SSR2: variants seen among roughly 807,000 people sequenced by gnomAD.
SSR2 encodes the protein translocon-associated protein subunit beta.
In SSR2, 16 loss-of-function variants were observed where a neutral mutation model predicts 22.6. The observed-to-expected ratio is 0.71, with a 90% CI of 0.48 to 1.08. The LOEUF is 1.08. Ranked by LOEUF, SSR2 falls within the 50% of genes least tolerant of loss-of-function variation. The pLI is 0.00. For missense variants in SSR2, 171 were observed against 221.6 expected, an observed-to-expected ratio of 0.77 and a Z score of 1.45; for synonymous variants, 83 against 91.2, an observed-to-expected ratio of 0.91 and a Z score of 0.51.
Position 156,018,534 on chromosome 1 carries a change from CCT to C in SSR2, c.156-168_156-167del, listed in dbSNP as rs374925497. ...ACCAGCCTGGCCAACATGGTGAAAC[CCT>C]GTCTCTACTAAAAATACAAAAATTA... is the stretch of plus-strand genomic sequence containing the variant. On this transcript the variant is annotated intron_variant, in intron 2 of 5. Coordinates refer to ENST00000295702, the MANE Select transcript of SSR2 (RefSeq NM_003145.4). Among the ~76,000 whole-genome samples, 1,185 of 144,960 alleles carry C rather than the reference CCT, an allele frequency of 8.2e-3. 12 individuals are homozygous for C. The highest frequency in any genetic ancestry group is 0.029 in the African/African-American group (1,139 of 39,102).
rs1558079190 is a variant in SSR2, at chr1:156,020,879, C to G, written c.-1+9G>C. 2.1e-6 allele frequency: 1 copy of G among 471,198 alleles called. No individual in the cohort carries two copies. Among genetic ancestry groups the G allele is most frequent in the South Asian group, 1.5e-5 (1 of 64,566 alleles). 29.2% of individuals were successfully genotyped at this position (471,198 alleles called of 1,614,324 possible). A position where few individuals can be genotyped will look rare whatever the true frequency, so the allele number is the denominator to read the frequency against. The stretch of plus-strand genomic sequence containing the variant: ...CTCCCGTTCGGACGCCCTAAGCCTC[C>G]GGACTTACCGTTGGCATCCCAAACG... On this transcript the variant is annotated intron_variant, in intron 1 of 5. Transcript: ENST00000295702.
rs780950248 is a variant in SSR2, at chr1:156,014,966, C to G, written c.358G>C (p.Val120Leu). The change falls in exon 4 of 6, where the codon GTT (valine) becomes CTT (leucine). Residue 120 changes from valine to leucine, a missense_variant. Val to Leu is a conservative substitution (Grantham distance 32, BLOSUM62 1). Transcript: ENST00000295702. Reference protein sequence around the residue: ...ITYLAQEDGPVVIGSTSAPGQ... With the variant: ...ITYLAQEDGPLVIGSTSAPGQ... ...TAAGGGTTTGGGCAACTCACCACAA[C>G]GGGCCCATCCTCCTGGGCCAGGTAA... 1.2e-6 allele frequency: 2 copies of G among 1,613,388 alleles called. No individual in the cohort carries two copies. The highest frequency in any genetic ancestry group is 1.7e-6 in the Non-Finnish European group (2 of 1,179,482).
Position 156,020,139 on chromosome 1 carries a change from G to C in SSR2, c.29C>G (p.Ala10Gly). Residue 10 changes from alanine (A) to glycine (G), a missense_variant, in exon 2 of 6, where the codon GCT becomes GGT. Ala to Gly is a moderately conservative substitution (Grantham distance 60). Coordinates refer to ENST00000295702, the MANE Select transcript of SSR2 (RefSeq NM_003145.4). MRLLSFVVL[A>G]LFAVTQAEEG... ...CTCTGCTTGAGTGACAGCAAATAGA[G>C]CCAACACCACAAATGACAGCAGCCT... 6.2e-7 allele frequency: 1 copy of C among 1,614,050 alleles called. No individual in the cohort carries two copies. Among genetic ancestry groups the C allele is most frequent in the Non-Finnish European group, 8.5e-7 (1 of 1,180,018 alleles).
Position 156,015,228 on chromosome 1 carries a change from G to A in SSR2, c.255-159C>T, listed in dbSNP as rs73004931. Among the ~76,000 whole-genome samples the A allele has an allele frequency of 1.4e-3, 208 of 152,066 alleles. 1 individual carries two copies. Among genetic ancestry groups the A allele is most frequent in the African/African-American group, 4.8e-3 (201 of 41,476 alleles). ...ATGAAAAAATATAGGCTTCTTTGCC[G>A]GGCATGGTGGCTCACGCCTGTAATC... is the stretch of plus-strand genomic sequence containing the variant. On this transcript the variant is annotated intron_variant, in intron 3 of 5. Transcript: ENST00000295702.
At chr1:156,019,350 C>A in intron 2 of SSR2, 3 of 329,628 alleles carry the variant, frequency 9.1e-6, no homozygotes, top group East Asian at 8.7e-5. Flanking sequence ...AGAAAGGCAA[C>A]AAAAATGCTC....
chr1:156,020,101 G>C lies in SSR2; in HGVS notation c.67C>G (p.Leu23Val), dbSNP rs764446062. 3 of 1,614,068 alleles carry C rather than the reference G, an allele frequency of 1.9e-6. No individual in the cohort carries two copies. Among genetic ancestry groups the C allele is most frequent in the African/African-American group, 1.3e-5 (1 of 74,924 alleles). Residue 23 changes from leucine (L) to valine (V), a missense_variant, in exon 2 of 6, where the codon CTT (leucine) becomes GTT (valine). By Grantham distance (32) the Leu-to-Val change is conservative (BLOSUM62 1). Coordinates refer to ENST00000295702, the MANE Select transcript of SSR2 (RefSeq NM_003145.4). ...TTCAGCAGTGATTTGGAAGCCAAAAGCCTGGCTCCTTCCTCTGCTTGAGTG... is the reference window on the plus strand; with the variant it reads ...TTCAGCAGTGATTTGGAAGCCAAAACCCTGGCTCCTTCCTCTGCTTGAGTG... ...AVTQAEEGAR[L>V]LASKSLLNRY... is the part of the protein sequence containing the mutation.
intron 3 of SSR2, among the ~76,000 whole-genome samples, chr1:156,015,581 A>AT (rs1254070184): frequency 5.0e-5 from 6 of 120,112 alleles, no homozygotes; most frequent in Non-Finnish European, 1.0e-4. Context: ...AAATTTACTG[A>AT]TTTTTTTAAA....
Position 156,011,841 on chromosome 1 carries a change from C to T in SSR2, c.410G>A (p.Arg137Gln), listed in dbSNP as rs201484396. ...APGQGGILAQ[R>Q]EFDRRFSPHF... ...AGGGGAGAATCGCCTGTCAAACTCC[C>T]GCTGAGCCAGGATTCCTCCCTGTCC... is the stretch of plus-strand genomic sequence containing the variant. Residue 137 changes from arginine to glutamine, a missense_variant, in exon 5 of 6, where the codon CGG becomes CAG. By Grantham distance (43) the Arg-to-Gln change is conservative. Transcript: ENST00000295702. The T allele has an allele frequency of 4.2e-5, 68 of 1,614,022 alleles. No individual in the cohort carries two copies. Among genetic ancestry groups the T allele is most frequent in the South Asian group, 8.8e-5 (8 of 91,078 alleles).
At chr1:156,016,640 C>T (rs1339065300) in intron 3 of SSR2, among the ~76,000 whole-genome samples, 2 of 152,096 alleles carry the variant, frequency 1.3e-5, no homozygotes, top group African/African-American at 4.8e-5. Flanking sequence ...TTTACCCTCA[C>T]CAATAAACCT....
intron 4 of SSR2, 136 bp from the exon 5 acceptor site, chr1:156,012,023 T>G: frequency 1.6e-6 from 1 of 621,802 alleles, no homozygotes; most frequent in Non-Finnish European, 2.9e-6. Context: ...CAGAAGAACT[T>G]CAAGAAGATG....
intron 3 of SSR2, among the ~76,000 whole-genome samples, chr1:156,015,321 C>T (rs748007006): frequency 1.3e-4 from 19 of 151,390 alleles, no homozygotes; most frequent in Non-Finnish European, 1.9e-4. Context: ...GCCTGGGCAA[C>T]ACGGTGAAAC....
rs563916288 is a variant in SSR2, at chr1:156,010,017, C to G, written c.442-367G>C. Among the ~76,000 whole-genome samples, 6 of 152,050 alleles carry G rather than the reference C, an allele frequency of 3.9e-5. No individual in the cohort carries two copies. In the South Asian group the frequency reaches 1.0e-3, roughly 26 times the overall value. The stretch of plus-strand genomic sequence containing the variant: ...TTGAACTCCTGACCTTATGATCTGC[C>G]CACCTCGGCCTCCCAAAGTGCTGGG... On this transcript the variant is annotated intron_variant, in intron 5 of 5. Coordinates refer to ENST00000295702, the MANE Select transcript of SSR2 (RefSeq NM_003145.4).
chr1:156,017,296 C>G (rs1683071356), intron 3 of SSR2, among the ~76,000 whole-genome samples: 1 of 152,196 alleles, frequency 6.6e-6, no homozygotes. Context: ...AAGAGACTCA[C>G]TGAATAAGAG....
At chr1:156,009,918 C>A (rs1182486463) in intron 5 of SSR2, among the ~76,000 whole-genome samples, 1 of 152,162 alleles carries the variant, frequency 6.6e-6, no homozygotes, top group Non-Finnish European at 1.5e-5. Flanking sequence ...GGATTACAGG[C>A]GCATGCCACC....
Position 156,015,081 on chromosome 1 carries a change from G to T in SSR2, c.255-12C>A. 1 of 1,604,416 alleles carries T rather than the reference G, an allele frequency of 6.2e-7. No individual in the cohort carries two copies. Among genetic ancestry groups the T allele is most frequent in the Non-Finnish European group, 8.5e-7 (1 of 1,171,706 alleles). On this transcript the variant is annotated splice_polypyrimidine_tract_variant and intron_variant, in intron 3 of 5. Transcript: ENST00000295702. The stretch of plus-strand genomic sequence containing the variant: ...AGACATTGCTAGCACTGGCTCAAGA[G>T]TTAAGGAACGGAAAGAGATGAAGCT...
intron 4 of SSR2, 195 bp downstream of exon 4, chr1:156,014,766 T>A (rs999442608): frequency 2.9e-5 from 14 of 478,462 alleles, no homozygotes; most frequent in African/African-American, 2.6e-4. Flanking sequence ...GGTCTTGAAC[T>A]CCTGACCTTA....
rs940099320 is a variant in SSR2 at position 156,020,897 on chromosome 1, C to A, written c.-10G>T. ...AAGCCTCCGGACTTACCGTTGGCAT[C>A]CCAAACGCCTTTCCGGAGCCACAAA... On this transcript the variant is annotated 5_prime_UTR_variant, in exon 1 of 6. Transcript: ENST00000295702. The A allele has an allele frequency of 1.5e-5, 7 of 471,172 alleles. No homozygotes were observed. Among genetic ancestry groups the A allele is most frequent in the African/African-American group, 1.0e-4 (5 of 50,086 alleles). 29.2% of individuals were successfully genotyped at this position (471,172 alleles called of 1,614,324 possible). A position where few individuals can be genotyped will look rare whatever the true frequency, so the allele number is the denominator to read the frequency against.
intron 3 of SSR2, among the ~76,000 whole-genome samples, chr1:156,017,187 T>A (rs111745489): frequency 1.3e-3 from 205 of 152,088 alleles, no homozygotes; most frequent in African/African-American, 4.8e-3. Context: ...GCTGGGACTA[T>A]AGGCATGTGC....
At chr1:156,016,215 C>A (rs1302119263) in intron 3 of SSR2, among the ~76,000 whole-genome samples, 1 of 152,060 alleles carries the variant, frequency 6.6e-6, no homozygotes, top group Non-Finnish European at 1.5e-5. Flanking sequence ...AAATTATAGT[C>A]ACTTAAGCTC....
Sources: gnomAD v4.1 joint callset for allele counts (sites outside exome capture counted in the v4.1 genomes callset) on GRCh38, gnomAD v4.1.1 for gene constraint, MANE v1.5 for transcripts, NCBI Gene and HGNC (gene_info 2026-07-23, HGNC 2026-07-21) for gene names.